Variants in CEP85L observed in about 807,000 individuals in gnomAD.
CEP85L encodes the protein centrosomal protein 85L, also known as centrosomal protein of 85 kDa-like.
CEP85L carries 60 observed loss-of-function variants against 100.3 expected under a neutral mutation model. The ratio of observed to expected loss-of-function variants is 0.60; its 90% CI spans 0.49 to 0.74. The LOEUF is 0.74. Among genes scored for constraint, CEP85L ranks in the 30% least tolerant of loss-of-function variants. The pLI is 0.00. For missense variants in CEP85L, 973 were observed against 936.2 expected, an observed-to-expected ratio of 1.04 and a Z score of -0.51; for synonymous variants, 319 against 322.7, an observed-to-expected ratio of 0.99 and a Z score of 0.12.
chr6:118,493,146 T>C (rs1360948416), intron 5 of CEP85L, among the ~76,000 whole-genome samples: 1 of 152,062 alleles, frequency 6.6e-6, no homozygotes, highest in African/African-American at 2.4e-5. Context: ...TCTGGAGAGG[T>C]GGCTTTTGAG....
At chr6:118,529,644 T>C (rs1234805462) in intron 3 of CEP85L, among the ~76,000 whole-genome samples, 2 of 148,422 alleles carry the variant, frequency 1.3e-5, no homozygotes, top group East Asian at 2.0e-4. Context: ...AAATTCTTAC[T>C]AGTATCAATT....
At chr6:118,650,999 G>C (rs1057448044) in intron 1 of CEP85L, among the ~76,000 whole-genome samples, 198 bp downstream of exon 1, 5 of 152,156 alleles carry the variant, frequency 3.3e-5, no homozygotes, top group African/African-American at 1.2e-4. Context: ...CGGGATGCGG[G>C]GCTGATGCGC....
chr6:118,569,860 G>C (rs964251697), intron 2 of CEP85L, among the ~76,000 whole-genome samples: 1 of 151,172 alleles, frequency 6.6e-6, no homozygotes, highest in African/African-American at 2.4e-5. Flanking sequence ...AACACAACTA[G>C]AGAATATATA....
intron 2 of CEP85L, among the ~76,000 whole-genome samples, chr6:118,594,884 A>AAC (rs1781385235): frequency 6.6e-6 from 1 of 151,420 alleles, no homozygotes; most frequent in Non-Finnish European, 1.5e-5. Flanking sequence ...AACAAAACAA[A>AAC]AAAAAAAAAC....
At chr6:118,685,468 A>G (rs1286342675) in intron 1 of CEP85L, among the ~76,000 whole-genome samples, 1 of 152,208 alleles carries the variant, frequency 6.6e-6, no homozygotes, top group African/African-American at 2.4e-5. Flanking sequence ...ACTTTTTGTA[A>G]TCAAATATTC....
Position 118,684,371 on chromosome 6 carries a change from G to A in CEP85L, c.-28+25665C>T, listed in dbSNP as rs577665218. Among the ~76,000 whole-genome samples the A allele has an allele frequency of 1.6e-4, 24 of 152,212 alleles. No individual in the cohort carries two copies. The East Asian group carries it at 1.9e-3, about 12-fold the overall frequency. On this transcript the variant is annotated intron_variant, in intron 1 of 13. Transcript: ENST00000368488. ...TAAAGCATTGGCTGGGCATGGTGGC[G>A]CATGCCTGTTAATTACTAGGGAGGC...
chr6:118,627,116 T>G (rs1255840352), intron 2 of CEP85L, among the ~76,000 whole-genome samples: 1 of 149,308 alleles, frequency 6.7e-6, no homozygotes, highest in Non-Finnish European at 1.5e-5. Flanking sequence ...GGAGAATCAC[T>G]TGAACCTGGG....
intron 2 of CEP85L, among the ~76,000 whole-genome samples, chr6:118,591,739 A>C (rs753481217): frequency 6.6e-6 from 1 of 152,146 alleles, no homozygotes; most frequent in Non-Finnish European, 1.5e-5. Context: ...ATTTTCAATA[A>C]ATCTATGCTT....
At chr6:118,575,085 G>A (rs1012547796) in intron 2 of CEP85L, among the ~76,000 whole-genome samples, 1 of 152,062 alleles carries the variant, frequency 6.6e-6, no homozygotes, top group African/African-American at 2.4e-5. Context: ...CGTAGAGAAA[G>A]GGTGCAAGAA....
intron 2 of CEP85L, among the ~76,000 whole-genome samples, chr6:118,591,520 GTGTAACTT>G (rs1781189747): frequency 6.6e-6 from 1 of 152,120 alleles, no homozygotes; most frequent in African/African-American, 2.4e-5. Flanking sequence ...TCTGCATAGG[GTGTAACTT>G]TGTAACTTCA....
intron 10 of CEP85L, among the ~76,000 whole-genome samples, chr6:118,474,635 A>G (rs1303745257): frequency 1.3e-5 from 2 of 152,240 alleles, no homozygotes; most frequent in Non-Finnish European, 2.9e-5. Flanking sequence ...GTGAGCGTTC[A>G]GCTACTAGAG....
chr6:118,561,764 G>T (rs1342588626), intron 3 of CEP85L, among the ~76,000 whole-genome samples: 2 of 151,926 alleles, frequency 1.3e-5, no homozygotes, highest in African/African-American at 4.8e-5. Flanking sequence ...ACGATAAAAC[G>T]CTCTAATTAT....
At chr6:118,471,708 A>G (rs1772965900) in intron 10 of CEP85L, among the ~76,000 whole-genome samples, 2 of 151,978 alleles carry the variant, frequency 1.3e-5, no homozygotes, top group African/African-American at 2.4e-5. Flanking sequence ...GAAATGAATC[A>G]AACTCTATAA....
chr6:118,520,567 TAGCTATTTGAAAA>T (rs1351997461), intron 4 of CEP85L, among the ~76,000 whole-genome samples: 1 of 152,138 alleles, frequency 6.6e-6, no homozygotes, highest in African/African-American at 2.4e-5. Context: ...TACTCTCTTC[TAGCTATTTGAAAA>T]AAATATAATT....
At chr6:118,548,707 A>G (rs1260919628) in intron 3 of CEP85L, among the ~76,000 whole-genome samples, 1 of 152,040 alleles carries the variant, frequency 6.6e-6, no homozygotes, top group Non-Finnish European at 1.5e-5. Context: ...AAATCTTCCA[A>G]TTATGTTACC....
intron 6 of CEP85L, among the ~76,000 whole-genome samples, chr6:118,484,429 CAACCAGGGGGCAGTAATGACATA>C (rs1417208220): frequency 6.6e-6 from 1 of 152,190 alleles, no homozygotes; most frequent in Non-Finnish European, 1.5e-5. Flanking sequence ...AAATTGTCAT[CAACCAGGGGGCAGTAATGACATA>C]GTTTTTATTG....
At chr6:118,577,681 T>C (rs917723129) in intron 2 of CEP85L, among the ~76,000 whole-genome samples, 14 of 152,174 alleles carry the variant, frequency 9.2e-5, no homozygotes, top group African/African-American at 3.4e-4. Flanking sequence ...CTGAACAAAA[T>C]ATTAGCTGAA....
chr6:118,644,773 A>G (rs1189072200), intron 1 of CEP85L, among the ~76,000 whole-genome samples: 1 of 152,006 alleles, frequency 6.6e-6, no homozygotes, highest in Non-Finnish European at 1.5e-5. Flanking sequence ...TCCAAATCCA[A>G]TCTAACCATT....
intron 11 of CEP85L, among the ~76,000 whole-genome samples, chr6:118,469,559 T>C (rs759465239): frequency 1.2e-4 from 18 of 152,264 alleles, no homozygotes; most frequent in Non-Finnish European, 2.4e-4. Flanking sequence ...ATAAATCCAG[T>C]CTCAGTTTCT....
Sources: allele counts gnomAD v4.1 joint callset (sites outside exome capture counted in the v4.1 genomes callset), GRCh38; gene constraint gnomAD v4.1.1; transcripts MANE v1.5; gene names NCBI Gene and HGNC (gene_info 2026-07-23, HGNC 2026-07-21).